Variants in RFC4 observed in about 807,000 individuals in gnomAD.
The protein encoded by RFC4 is replication factor C subunit 4.
RFC4 carries 38 observed loss-of-function variants against 47.6 expected under a neutral mutation model. That is an observed-to-expected ratio of 0.80 (90% confidence interval 0.62 to 1.05). RFC4 has a LOEUF of 1.05. Ranked by LOEUF, RFC4 falls within the 50% of genes least tolerant of loss-of-function variation. The probability of loss-of-function intolerance (pLI) is 0.00; values close to 1 mark genes in which losing one functional copy is unlikely to be tolerated. For missense variants in RFC4, 489 were observed against 434.0 expected (o/e 1.13, Z -1.13); for synonymous variants, 164 against 150.0 (o/e 1.09, Z -0.68).
intron 3 of RFC4, among the ~76,000 whole-genome samples, chr3:186,799,402 T>G (rs1241429848): frequency 1.3e-5 from 2 of 152,324 alleles, no homozygotes; most frequent in Admixed American, 6.5e-5. Context: ...AATATTAAAC[T>G]GAAGTTCTTA....
At chr3:186,804,453 AT>A (rs956432084) in intron 2 of RFC4, 129 bp downstream of exon 2, 5 of 904,476 alleles carry the variant, frequency 5.5e-6, no homozygotes, top group African/African-American at 1.7e-5. Context: ...TAAGTGGGTG[AT>A]TTTTTTTCAA....
Position 186,806,354 on chromosome 3 carries a change from A to G in RFC4, c.-76T>C, listed in dbSNP as rs1195408899. On this transcript the variant is annotated 5_prime_UTR_variant, in exon 1 of 11. Coordinates refer to ENST00000296273, the MANE Select transcript of RFC4 (RefSeq NM_002916.5). Reference sequence around the variant, plus strand: ...TCGTTCCTCAGGTTTCCGCGATACAAAAAGGACGAGATGGTCTCGAAGTCT... The same window carrying G: ...TCGTTCCTCAGGTTTCCGCGATACAGAAAGGACGAGATGGTCTCGAAGTCT... 1 of 152,272 alleles carries G rather than the reference A, an allele frequency of 6.6e-6. No individual in the cohort carries two copies. The highest frequency in any genetic ancestry group is 2.4e-5 in the African/African-American group (1 of 41,468). 9.4% of individuals were successfully genotyped at this position (152,272 alleles called of 1,614,324 possible).
intron 2 of RFC4, 124 bp downstream of exon 2, chr3:186,804,459 T>C (rs1411011232): frequency 1.0e-6 from 1 of 973,422 alleles, no homozygotes; most frequent in African/African-American, 1.6e-5. Flanking sequence ...GGTGATTTTT[T>C]TTCAAAGACA....
intron 4 of RFC4, 55 bp downstream of exon 4, chr3:186,797,480 G>A (rs1432007040): frequency 1.7e-6 from 2 of 1,149,360 alleles, no homozygotes; most frequent in African/African-American, 1.6e-5. Context: ...AGCAATATCA[G>A]AGAATTTTGG....
chr3:186,791,008 A>G (rs1408149610), intron 8 of RFC4, among the ~76,000 whole-genome samples: 1 of 152,214 alleles, frequency 6.6e-6, no homozygotes, highest in East Asian at 1.9e-4. Context: ...AGTAGTAGTG[A>G]TTCTGAAGTG....
chr3:186,793,914 G>A lies in RFC4; in HGVS notation c.410+744C>T, dbSNP rs1031560819. The stretch of plus-strand genomic sequence containing the variant: ...ATTTTTTGTATTTTTAGTAGAGATG[G>A]GGTTTCACCATGTTCGCCAGGATGG... On this transcript the variant is annotated intron_variant, in intron 5 of 10. Coordinates refer to ENST00000296273, the MANE Select transcript of RFC4 (RefSeq NM_002916.5). This position sits in a 1 kb window ranked among gnomAD's most constrained non-coding sequence, Gnocchi z 4.2. Among the ~76,000 whole-genome samples, 1 of 152,024 alleles carries A rather than the reference G, an allele frequency of 6.6e-6. No individual in the cohort carries two copies. The highest frequency in any genetic ancestry group is 1.5e-5 in the Non-Finnish European group (1 of 68,006).
chr3:186,804,765 ACT>A (rs1560095147), intron 1 of RFC4, 41 bp from the exon 2 acceptor site: 1 of 1,578,640 alleles, frequency 6.3e-7, no homozygotes, highest in Non-Finnish European at 8.6e-7. Context: ...TTTTATTGAA[ACT>A]TTTATTGCGA....
chr3:186,794,941 A>G, intron 4 of RFC4, 164 bp from the exon 5 acceptor site: 3 of 689,928 alleles, frequency 4.3e-6, no homozygotes, highest in Non-Finnish European at 6.9e-6. Flanking sequence ...TGCTGCAGTT[A>G]ACATTTTGGC....
rs1229267568 is a variant in RFC4 at position 186,796,780 on chromosome 3, T to C, written c.290+755A>G. The stretch of plus-strand genomic sequence containing the variant: ...CAGATGTGAGCCACCACACCCAGCC[T>C]ATTTTCATATGTAGGATTTCAGATA... On this transcript the variant is annotated intron_variant, in intron 4 of 10. Transcript: ENST00000296273. The surrounding 1 kb of genome is among the most constrained non-coding windows in gnomAD (Gnocchi z 4.2). Among the ~76,000 whole-genome samples the C allele has an allele frequency of 6.6e-6, 1 of 152,102 alleles. No homozygotes were observed. The highest frequency in any genetic ancestry group is 2.4e-5 in the African/African-American group (1 of 41,432).
At chr3:186,791,691 C>T (rs1441924737) in intron 8 of RFC4, 34 bp downstream of exon 8, 11 of 1,607,926 alleles carry the variant, frequency 6.8e-6, no homozygotes, top group Non-Finnish European at 8.5e-6. Flanking sequence ...AAAAAGCCAA[C>T]TAAAAAGAAA....
chr3:186,797,463 G>T, intron 4 of RFC4, 72 bp downstream of exon 4: 2 of 1,011,264 alleles, frequency 2.0e-6, no homozygotes, highest in South Asian at 1.5e-5. Flanking sequence ...ATTTTTAGAG[G>T]AAAAAAAGCA....
chr3:186,802,645 C>T (rs1419407838), intron 2 of RFC4, among the ~76,000 whole-genome samples: 1 of 152,128 alleles, frequency 6.6e-6, no homozygotes, highest in African/African-American at 2.4e-5. Flanking sequence ...CAACTCTAAG[C>T]TTAGGCTTTG....
chr3:186,792,439 C>A, intron 7 of RFC4, 51 bp downstream of exon 7: 1 of 1,518,612 alleles, frequency 6.6e-7, no homozygotes, highest in Non-Finnish European at 9.1e-7. Flanking sequence ...TCTTTATATG[C>A]ATTCATCAAA....
In RFC4 at chr3:186,799,097, T is replaced by A. The variant is rs143130811; in HGVS notation, c.211-1483A>T. Among the ~76,000 whole-genome samples the A allele has an allele frequency of 7.4e-3, 1,122 of 152,322 alleles. 15 individuals carry two copies. The highest frequency in any genetic ancestry group is 0.026 in the African/African-American group (1,065 of 41,572). On this transcript the variant is annotated intron_variant, in intron 3 of 10. Coordinates refer to ENST00000296273, the MANE Select transcript of RFC4 (RefSeq NM_002916.5). ...GGTCTACAACTATTATTTTGATCTG[T>A]GCATCCCTTAACAATGTAACGATTC... is the stretch of plus-strand genomic sequence containing the variant.
chr3:186,803,529 A>G (rs1722404446), intron 2 of RFC4, among the ~76,000 whole-genome samples: 1 of 151,964 alleles, frequency 6.6e-6, no homozygotes, highest in Admixed American at 6.6e-5. Flanking sequence ...TTTGAGACAG[A>G]GTCTCGTTCT....
rs536179097 is a variant in RFC4, at chr3:186,792,647, GAA to G, written c.555-39_555-38del. 40 of 1,590,696 alleles carry G rather than the reference GAA, an allele frequency of 2.5e-5. 1 individual carries two copies. The Middle Eastern group carries it at 6.7e-4, about 27-fold the overall frequency. On this transcript the variant is annotated intron_variant, in intron 6 of 10. Coordinates refer to ENST00000296273, the MANE Select transcript of RFC4 (RefSeq NM_002916.5). ...GAGAAAAACCAAGTTGGTGTCTAAA[GAA>G]AGAATTTCCCCAAAAGAACTCATTT... is the stretch of plus-strand genomic sequence containing the variant.
Position 186,790,335 on chromosome 3 carries a change from A to T in RFC4, c.873T>A (p.Ala291=), listed in dbSNP as rs749203660. The change falls in exon 9 of 11, where the codon GCT becomes GCA. Residue 291 remains alanine (A), a synonymous_variant. Coordinates refer to ENST00000296273, the MANE Select transcript of RFC4 (RefSeq NM_002916.5). ...AGTAAGCTGACTTTACCTTGACCAC[A>T]GCTTCTAGTTTGTCAAAAGAGCCAC... The part of the protein sequence containing the change: ...CQSGSFDKLE[A]VVKDLIDEGH... The T allele has an allele frequency of 6.2e-7, 1 of 1,613,778 alleles. No individual in the cohort carries two copies. Among genetic ancestry groups the T allele is most frequent in the South Asian group, 1.1e-5 (1 of 91,070 alleles).
chr3:186,790,455 A>ACATACACTCTGC (rs774170144), intron 8 of RFC4, 49 bp from the exon 9 acceptor site: 1 of 1,334,774 alleles, frequency 7.5e-7, no homozygotes, highest in African/African-American at 1.4e-5. Context: ...GTGAGACTAG[A>ACATACACTCTGC]CATACACTCT....
intron 4 of RFC4, 95 bp from the exon 5 acceptor site, chr3:186,794,872 C>T: frequency 7.4e-7 from 1 of 1,346,114 alleles, no homozygotes; most frequent in East Asian, 2.4e-5. Flanking sequence ...TAAAATCCAC[C>T]TAGTAAACAA....
Sources: gnomAD v4.1 joint callset for allele counts (sites outside exome capture counted in the v4.1 genomes callset) on GRCh38, gnomAD v4.1.1 for gene constraint, Gnocchi (gnomAD v3.1) non-coding constraint, MANE v1.5 for transcripts, NCBI Gene and HGNC (gene_info 2026-07-23, HGNC 2026-07-21) for gene names.